TRPM1: variants seen among roughly 807,000 people sequenced by gnomAD.
The protein encoded by TRPM1 is transient receptor potential cation channel subfamily M member 1, also known as TRPM1-203 APA Isoform, Intron 10.
Under a neutral mutation model 149.4 loss-of-function variants are expected in TRPM1, and 113 were observed. The ratio of observed to expected loss-of-function variants is 0.76; its 90% CI spans 0.65 to 0.88. The LOEUF (loss-of-function observed/expected upper bound fraction) is 0.88, where lower values mean the gene tolerates loss of function less well. Among genes scored for constraint, TRPM1 ranks in the 40% least tolerant of loss-of-function variants. TRPM1 has a pLI of 0.00. For missense variants in TRPM1, 1,976 were observed against 2,038.7 expected (o/e 0.97, Z 0.59); for synonymous variants, 741 against 759.5 (o/e 0.98, Z 0.40).
chr15:31,072,652 G>A (rs1368456717), intron 3 of TRPM1, among the ~76,000 whole-genome samples: 2 of 152,100 alleles, frequency 1.3e-5, no homozygotes, highest in African/African-American at 2.4e-5. Context: ...CAGTGTCTGA[G>A]GGTTCTGATT....
At chr15:31,077,548 A>G (rs1432081033) in intron 2 of TRPM1, among the ~76,000 whole-genome samples, 1 of 152,110 alleles carries the variant, frequency 6.6e-6, no homozygotes, top group African/African-American at 2.4e-5. Flanking sequence ...TTGTGGAGTC[A>G]GTTGGCAGAG....
chr15:31,059,138 G>A (rs1596025966), intron 11 of TRPM1, among the ~76,000 whole-genome samples: 1 of 152,118 alleles, frequency 6.6e-6, no homozygotes, highest in East Asian at 1.9e-4. Flanking sequence ...AGGAACAGGG[G>A]CAGTGGAAGC....
chr15:31,046,295 A>G lies in TRPM1; in HGVS notation c.1765-62T>C. The G allele has an allele frequency of 2.0e-6, 3 of 1,506,974 alleles. No homozygotes were observed. The South Asian group carries it at 3.4e-5, about 17-fold the overall frequency. 93.4% of individuals were successfully genotyped at this position (1,506,974 alleles called of 1,614,324 possible). ...CTTAGATAACTAATGTTAGTAGTACATTAGCAGTATTGTTGATAGTGGACA... is the reference window on the plus strand; with the variant it reads ...CTTAGATAACTAATGTTAGTAGTACGTTAGCAGTATTGTTGATAGTGGACA... On this transcript the variant is annotated intron_variant, in intron 15 of 27. Transcript: ENST00000256552.
At chr15:31,038,364 C>T (rs372643047) in intron 18 of TRPM1, among the ~76,000 whole-genome samples, 198 bp from the exon 19 acceptor site, 1 of 152,164 alleles carries the variant, frequency 6.6e-6, no homozygotes, top group African/African-American at 2.4e-5. Context: ...TAAGAACATA[C>T]ACTAAATTTT....
intron 1 of TRPM1, among the ~76,000 whole-genome samples, chr15:31,150,203 G>T (rs1349104955): frequency 6.6e-6 from 1 of 152,164 alleles, no homozygotes; most frequent in Non-Finnish European, 1.5e-5. Context: ...TGGGTTAAAA[G>T]GAGGTTTCTT....
chr15:31,008,437 C>T (rs1368615786), intron 27 of TRPM1, among the ~76,000 whole-genome samples: 2 of 152,160 alleles, frequency 1.3e-5, no homozygotes, highest in African/African-American at 4.8e-5. Context: ...TTTTTCTGCA[C>T]CAATTGCTAG....
At chr15:31,091,901 T>C (rs1325542945) in intron 1 of TRPM1, among the ~76,000 whole-genome samples, 4 of 152,186 alleles carry the variant, frequency 2.6e-5, no homozygotes, top group Admixed American at 2.6e-4. Flanking sequence ...TGGACCACTT[T>C]GAATGTCACA....
At chr15:31,133,618 G>T (rs1353830728) in intron 1 of TRPM1, among the ~76,000 whole-genome samples, 3 of 150,350 alleles carry the variant, frequency 2.0e-5, no homozygotes, top group African/African-American at 7.3e-5. Context: ...GGAGGCGGAG[G>T]TTACAGTGAG....
rs1255135585 is a variant in TRPM1 at position 31,041,933 on chromosome 15, TC to T, written c.2087+17del. ...ATGGTCATCTCTCCTGGCCTTTAAATCCCCGCTAGACACTAACTTGGAATTG... is the reference window on the plus strand; with the variant it reads ...ATGGTCATCTCTCCTGGCCTTTAAATCCCGCTAGACACTAACTTGGAATTG... On this transcript the variant is annotated intron_variant, in intron 17 of 27. Transcript: ENST00000256552. The T allele has an allele frequency of 6.2e-7, 1 of 1,613,934 alleles. No individual in the cohort carries two copies. The highest frequency in any genetic ancestry group is 1.7e-5 in the Admixed American group (1 of 60,002).
chr15:31,110,720 T>C (rs570773796), intron 1 of TRPM1, among the ~76,000 whole-genome samples: 10 of 152,200 alleles, frequency 6.6e-5, no homozygotes, highest in South Asian at 6.2e-4. Context: ...CCATCCTCCA[T>C]TGGAGGGCAC....
intron 1 of TRPM1, among the ~76,000 whole-genome samples, chr15:31,084,540 T>C (rs2034945085): frequency 6.6e-6 from 1 of 152,208 alleles, no homozygotes; most frequent in Admixed American, 6.5e-5. Flanking sequence ...ATCAGGACTT[T>C]ACTCTTTTCT....
At chr15:31,055,761 G>A (rs2140947367) in intron 11 of TRPM1, among the ~76,000 whole-genome samples, 1 of 152,290 alleles carries the variant, frequency 6.6e-6, no homozygotes, top group Non-Finnish European at 1.5e-5. Flanking sequence ...TCCCAGGGAG[G>A]AGAAAAACCT....
chr15:31,073,195 G>A (rs1037446541), intron 3 of TRPM1, among the ~76,000 whole-genome samples: 2 of 152,094 alleles, frequency 1.3e-5, no homozygotes, highest in Admixed American at 1.3e-4. Context: ...ATGAGGTAAG[G>A]GTCCAAGACT....
intron 1 of TRPM1, among the ~76,000 whole-genome samples, chr15:31,087,682 T>G (rs1359439579): frequency 6.6e-6 from 1 of 152,172 alleles, no homozygotes; most frequent in Non-Finnish European, 1.5e-5. Context: ...CAATGAAATA[T>G]GATTCAGCAG....
In TRPM1 at chr15:31,070,206, GT is replaced by G. The variant is rs1289912703; in HGVS notation, c.103del (p.Thr35ProfsTer77). 1 of 1,613,688 alleles carries G rather than the reference GT, an allele frequency of 6.2e-7. No homozygotes were observed. Among genetic ancestry groups the G allele is most frequent in the African/African-American group, 1.3e-5 (1 of 74,910 alleles). On this transcript the variant is annotated frameshift_variant, in exon 4 of 28. Transcript: ENST00000256552. LOFTEE classifies it high-confidence loss of function. ...TGGCAGAGGGGGGATATGCTGGTTGGTGAACTGGCCACAGCAACACCTGAAA... is the reference window on the plus strand; with the variant it reads ...TGGCAGAGGGGGGATATGCTGGTTGGGAACTGGCCACAGCAACACCTGAAA... ...DSNRCCCGQFTNQHIPPLPSA... is the reference protein window; with the variant it reads ...DSNRCCCGQFXNQHIPPLPSA...
intron 1 of TRPM1, among the ~76,000 whole-genome samples, chr15:31,094,986 A>C (rs922773302): frequency 5.9e-5 from 9 of 152,384 alleles, no homozygotes; most frequent in East Asian, 3.9e-4. Flanking sequence ...GGATAGATGG[A>C]TAAACAAATT....
chr15:31,157,804 G>A (rs542802883), intron 1 of TRPM1, among the ~76,000 whole-genome samples: 14 of 152,238 alleles, frequency 9.2e-5, no homozygotes, highest in African/African-American at 3.4e-4. Flanking sequence ...AAGGACAAAG[G>A]GTCAGATCTG....
chr15:31,066,551 C>T (rs1350621336), intron 6 of TRPM1, among the ~76,000 whole-genome samples: 2 of 152,164 alleles, frequency 1.3e-5, no homozygotes, highest in Non-Finnish European at 2.9e-5. Flanking sequence ...AACAGCCAAA[C>T]TGTTCCTCAA....
At chr15:31,004,984 C>A (rs1490767460) in intron 27 of TRPM1, among the ~76,000 whole-genome samples, 1 of 152,016 alleles carries the variant, frequency 6.6e-6, no homozygotes, top group Non-Finnish European at 1.5e-5. Context: ...TGCCGGTAAT[C>A]CCAGCTACTT....
Sources: gnomAD v4.1 joint callset for allele counts (sites outside exome capture counted in the v4.1 genomes callset) on GRCh38, gnomAD v4.1.1 for gene constraint, MANE v1.5 for transcripts, NCBI Gene and HGNC (gene_info 2026-07-23, HGNC 2026-07-21) for gene names.